NMNAT2: variants seen among roughly 807,000 people sequenced by gnomAD.
NMNAT2 encodes the protein nicotinamide nucleotide adenylyltransferase 2.
NMNAT2 carries 11 observed loss-of-function variants against 41.6 expected under a neutral mutation model. The observed-to-expected ratio is 0.26, with a 90% CI of 0.17 to 0.44. NMNAT2 has a LOEUF of 0.44. Among genes scored for constraint, NMNAT2 ranks in the 20% least tolerant of loss-of-function variants. NMNAT2 has a pLI of 1.00. For synonymous variants in NMNAT2, 148 were observed against 151.2 expected (o/e 0.98, Z 0.16); for missense variants, 288 against 407.7 (o/e 0.71, Z 2.53).
intron 7 of NMNAT2, 123 bp from the exon 8 acceptor site, chr1:183,278,752 A>G: frequency 1.4e-6 from 1 of 703,682 alleles, no homozygotes; most frequent in Non-Finnish European, 2.6e-6. Flanking sequence ...GGGCCCAGTT[A>G]TCCCAGGTGC....
chr1:183,371,440 C>T (rs1472174022), intron 1 of NMNAT2, among the ~76,000 whole-genome samples: 2 of 152,126 alleles, frequency 1.3e-5, no homozygotes, highest in Non-Finnish European at 2.9e-5. Flanking sequence ...CACAACACCC[C>T]GAATGAGCTC....
chr1:183,291,267 AC>A (rs969184803), intron 3 of NMNAT2, among the ~76,000 whole-genome samples: 18 of 151,242 alleles, frequency 1.2e-4, no homozygotes, highest in Admixed American at 9.9e-4. Flanking sequence ...CCACCACCCT[AC>A]CCCACCACCC....
intron 1 of NMNAT2, among the ~76,000 whole-genome samples, chr1:183,354,371 A>G (rs1035769644): frequency 5.7e-4 from 84 of 146,954 alleles, no homozygotes; most frequent in East Asian, 8.2e-4. Flanking sequence ...TCCTGCTGTT[A>G]TAATTTAATC....
At chr1:183,263,327 A>G (rs541421465) in intron 8 of NMNAT2, among the ~76,000 whole-genome samples, 1 of 152,202 alleles carries the variant, frequency 6.6e-6, no homozygotes. Flanking sequence ...ACTGACACCA[A>G]ATCTCTTGTC....
intron 1 of NMNAT2, among the ~76,000 whole-genome samples, chr1:183,304,317 G>A (rs1039531539): frequency 6.6e-6 from 1 of 152,182 alleles, no homozygotes; most frequent in African/African-American, 2.4e-5. Context: ...AGAAGGTAAG[G>A]CTGGAAAGAA....
At chr1:183,335,431 AC>A (rs1215478837) in intron 1 of NMNAT2, among the ~76,000 whole-genome samples, 1 of 152,228 alleles carries the variant, frequency 6.6e-6, no homozygotes, top group Non-Finnish European at 1.5e-5. Flanking sequence ...CAACATGGCC[AC>A]CACCTGAGTC....
intron 10 of NMNAT2, among the ~76,000 whole-genome samples, chr1:183,257,218 G>A (rs1055820840): frequency 2.0e-4 from 31 of 152,122 alleles, no homozygotes; most frequent in Middle Eastern, 3.4e-3. Context: ...CGAGGTGGGT[G>A]GATCACAAGC....
chr1:183,418,058 C>T (rs1357778552), intron 1 of NMNAT2, 125 bp downstream of exon 1: 6 of 855,840 alleles, frequency 7.0e-6, no homozygotes, highest in Non-Finnish European at 1.1e-5. Flanking sequence ...CCTCCACCAG[C>T]TGGATGAGCC....
At chr1:183,352,807 A>G (rs1332129165) in intron 1 of NMNAT2, among the ~76,000 whole-genome samples, 1 of 152,106 alleles carries the variant, frequency 6.6e-6, no homozygotes, top group Non-Finnish European at 1.5e-5. Flanking sequence ...TGAAGCCTTG[A>G]AGTCTCAGGC....
chr1:183,412,819 G>A (rs1260474002), intron 1 of NMNAT2, among the ~76,000 whole-genome samples: 1 of 152,172 alleles, frequency 6.6e-6, no homozygotes, highest in East Asian at 1.9e-4. Flanking sequence ...CTTATCTAGG[G>A]AATATGCTTT....
At position 183,369,828 on chromosome 1, in the gene NMNAT2, C is replaced by A. The variant is rs189601191; in HGVS notation, c.85+48355G>T. On this transcript the variant is annotated intron_variant, in intron 1 of 10. Transcript: ENST00000287713. ...CCCCGGCAACCACCATGCTACTTTCCGTCTTAATAAATTCATCTATTCTAG... is the reference window on the plus strand; with the variant it reads ...CCCCGGCAACCACCATGCTACTTTCAGTCTTAATAAATTCATCTATTCTAG... 7.0e-4 allele frequency among the ~76,000 whole-genome samples: 107 copies of A among 152,108 alleles called. 2 individuals carry two copies. The highest frequency in any genetic ancestry group is 1.3e-3 in the Non-Finnish European group (86 of 68,006).
chr1:183,284,862 C>A, intron 5 of NMNAT2, 72 bp from the exon 6 acceptor site: 1 of 1,279,646 alleles, frequency 7.8e-7, no homozygotes. Context: ...CATGTCGGCC[C>A]GGCATTGGGG....
intron 4 of NMNAT2, among the ~76,000 whole-genome samples, chr1:183,288,610 C>G (rs1253739345): frequency 1.3e-5 from 2 of 152,238 alleles, no homozygotes; most frequent in Admixed American, 1.3e-4. Context: ...ATGGCCAGCA[C>G]TGAGGAATGC....
rs1649174477 is a variant in NMNAT2 at position 183,413,598 on chromosome 1, CTTTCTTTTTTTTT to C, written c.85+4572_85+4584del. On this transcript the variant is annotated intron_variant, in intron 1 of 10. Coordinates refer to ENST00000287713, the MANE Select transcript of NMNAT2 (RefSeq NM_015039.4). ...TCTAAAGAAATATTAATTTTCTTTT[CTTTCTTTTTTTTT>C]TTTTTTTTTTTTTGAGACGGAGTCT... 3.2e-5 allele frequency among the ~76,000 whole-genome samples: 4 copies of C among 126,018 alleles called. No homozygotes were observed. The Admixed American group carries it at 3.7e-4, about 12-fold the overall frequency. 82.7% of individuals were successfully genotyped at this position (126,018 alleles called of 152,430 possible). A position where few individuals can be genotyped will look rare whatever the true frequency, so the allele number is the denominator to read the frequency against.
At chr1:183,264,470 T>C (rs764038047) in intron 8 of NMNAT2, among the ~76,000 whole-genome samples, 5 of 152,092 alleles carry the variant, frequency 3.3e-5, no homozygotes, top group Non-Finnish European at 7.3e-5. Context: ...AGACAGGATC[T>C]ATGAGACAAG....
chr1:183,350,256 T>C (rs113021947), intron 1 of NMNAT2, among the ~76,000 whole-genome samples: 37 of 152,240 alleles, frequency 2.4e-4, no homozygotes, highest in African/African-American at 8.4e-4. Context: ...GTAAGAGCCA[T>C]GAGCCAGGGT....
Position 183,261,019 on chromosome 1 carries a change from G to A in NMNAT2, c.804C>T (p.Val268=), listed in dbSNP as rs1321443003. The A allele has an allele frequency of 2.5e-6, 4 of 1,613,614 alleles. No homozygotes were observed. The African/African-American group carries it at 4.0e-5, about 16-fold the overall frequency. ...KDDINHPMSV[V]SSTKSRLALQ... ...AAACATACCTGCTCTTGGTTGAGCT[G>A]ACAACAGACATGGGATGGTTGATGT... is the stretch of plus-strand genomic sequence containing the variant. The change falls in exon 10 of 11, where the codon GTC becomes GTT. Residue 268 remains valine, a synonymous_variant. Transcript: ENST00000287713.
chr1:183,343,343 C>A (rs1440076453), intron 1 of NMNAT2, among the ~76,000 whole-genome samples: 1 of 152,152 alleles, frequency 6.6e-6, no homozygotes, highest in East Asian at 1.9e-4. Context: ...ATTGAACAAC[C>A]ACAATGTTCT....
intron 1 of NMNAT2, among the ~76,000 whole-genome samples, chr1:183,413,492 G>A (rs1237335910): frequency 6.6e-6 from 1 of 151,978 alleles, no homozygotes; most frequent in Non-Finnish European, 1.5e-5. Context: ...CACAGGCTGG[G>A]GTACTTGGAA....
Sources: gnomAD v4.1 joint callset for allele counts (sites outside exome capture counted in the v4.1 genomes callset) on GRCh38, gnomAD v4.1.1 for gene constraint, MANE v1.5 for transcripts, NCBI Gene and HGNC (gene_info 2026-07-23, HGNC 2026-07-21) for gene names.